GATAD2A: variants seen among roughly 807,000 people sequenced by gnomAD.
GATAD2A encodes transcriptional repressor p66-alpha.
A neutral mutation model predicts 68.5 loss-of-function variants in GATAD2A; 12 were observed. The observed-to-expected ratio is 0.18, with a 90% CI of 0.11 to 0.28. The LOEUF (loss-of-function observed/expected upper bound fraction) is 0.28. Among genes scored for constraint, GATAD2A ranks in the 10% least tolerant of loss-of-function variants. GATAD2A has a pLI of 1.00. For synonymous variants in GATAD2A, 410 were observed against 375.3 expected (o/e 1.09, Z -1.07); for missense variants, 755 against 868.5 (o/e 0.87, Z 1.64).
rs1041802991 is a variant in GATAD2A, at chr19:19,505,576, G to A, written c.*102G>A. 7 of 1,064,578 alleles carry A rather than the reference G, an allele frequency of 6.6e-6. No individual in the cohort carries two copies. Among genetic ancestry groups the A allele is most frequent in the East Asian group, 2.8e-5 (1 of 35,386 alleles). 65.9% of individuals were successfully genotyped at this position (1,064,578 alleles called of 1,614,324 possible). On this transcript the variant is annotated 3_prime_UTR_variant, in exon 12 of 12. Transcript: ENST00000683918. ...CCCTCCGCTGGCTCGGGAAGACACC[G>A]TGCCCGCCCCAAGAGCAAGCACCGG...
chr19:19,489,981 C>T (rs1163729704), intron 2 of GATAD2A, among the ~76,000 whole-genome samples: 3 of 152,136 alleles, frequency 2.0e-5, no homozygotes, highest in Admixed American at 6.5e-5. Flanking sequence ...CCTTGAAAGT[C>T]GATCTTGGGC....
intron 2 of GATAD2A, among the ~76,000 whole-genome samples, chr19:19,473,870 C>T (rs1369860888): frequency 1.3e-5 from 2 of 151,942 alleles, no homozygotes; most frequent in African/African-American, 2.4e-5. Context: ...GGCGTGAACT[C>T]GGGAGGTCAG....
chr19:19,460,576 G>A (rs1012067362), intron 1 of GATAD2A, among the ~76,000 whole-genome samples: 2 of 152,128 alleles, frequency 1.3e-5, no homozygotes, highest in Non-Finnish European at 2.9e-5. Flanking sequence ...CAGCATCTCC[G>A]TGGGGCTCAT....
chr19:19,403,305 G>C (rs569908288), upstream of GATAD2A, among the ~76,000 whole-genome samples: 23 of 152,162 alleles, frequency 1.5e-4, no homozygotes, highest in African/African-American at 5.5e-4. Flanking sequence ...CACCCAACCT[G>C]AGCCTATGGG....
At chr19:19,502,652 C>T (rs982540705) in intron 11 of GATAD2A, 126 bp downstream of exon 11, 14 of 711,616 alleles carry the variant, frequency 2.0e-5, no homozygotes, top group Non-Finnish European at 3.2e-5. Context: ...TCAGCCTCCT[C>T]GGACTCTGGC....
chr19:19,492,244 A>AG, intron 2 of GATAD2A, 62 bp from the exon 3 acceptor site: 1 of 1,524,720 alleles, frequency 6.6e-7, no homozygotes. Context: ...ATGTGTCCAC[A>AG]GGGGTGGGCA....
At chr19:19,451,445 G>A (rs150343961) in intron 1 of GATAD2A, among the ~76,000 whole-genome samples, 43 of 152,308 alleles carry the variant, frequency 2.8e-4, no homozygotes, top group Non-Finnish European at 2.9e-4. Context: ...CTGAGTTCAC[G>A]CATTGTCCAG....
intron 1 of GATAD2A, among the ~76,000 whole-genome samples, chr19:19,393,164 G>A (rs992538794): frequency 6.6e-6 from 1 of 152,152 alleles, no homozygotes; most frequent in Non-Finnish European, 1.5e-5. Context: ...TTAGCTGGGC[G>A]TGGTGGCACA....
intron 1 of GATAD2A, among the ~76,000 whole-genome samples, chr19:19,386,335 T>G: frequency 6.7e-6 from 1 of 148,752 alleles, no homozygotes; most frequent in East Asian, 2.0e-4. Context: ...CCGTCTCTCT[T>G]AGGGACCCTC....
chr19:19,475,454 C>T (rs909061306), intron 2 of GATAD2A, among the ~76,000 whole-genome samples: 4 of 148,266 alleles, frequency 2.7e-5, no homozygotes, highest in Admixed American at 1.4e-4. Context: ...GGCTCCGGAG[C>T]GGGGTACTCT....
chr19:19,449,581 T>A (rs2056143069), intron 1 of GATAD2A, among the ~76,000 whole-genome samples: 1 of 128,314 alleles, frequency 7.8e-6, no homozygotes, highest in Non-Finnish European at 1.7e-5. Context: ...CAGGTTTACT[T>A]TGTTAAATGT....
Position 19,482,846 on chromosome 19 carries a change from G to A in GATAD2A, c.270-9460G>A, listed in dbSNP as rs571419071. ...TGGATTTGATGTGGCCTCCCCCATGGTGTCAGCTGCTGACAAGATTGGGCT... is the reference window on the plus strand; with the variant it reads ...TGGATTTGATGTGGCCTCCCCCATGATGTCAGCTGCTGACAAGATTGGGCT... On this transcript the variant is annotated intron_variant, in intron 2 of 11. Transcript: ENST00000683918. Among the ~76,000 whole-genome samples the A allele has an allele frequency of 4.6e-5, 7 of 152,310 alleles. No homozygotes were observed. In the South Asian group the frequency reaches 8.3e-4, roughly 18 times the overall value.
rs568225927 is a variant in GATAD2A at position 19,422,947 on chromosome 19, A to G, written c.-7+16928A>G. Among the ~76,000 whole-genome samples the G allele has an allele frequency of 2.3e-4, 35 of 152,070 alleles. 1 individual carries two copies. Among genetic ancestry groups the G allele is most frequent in the African/African-American group, 7.7e-4 (32 of 41,474 alleles). ...AGGATGGTCTCGATCTCCTGAACTC[A>G]TGATCTGCCCGCCTCGGCCTCCTGA... On this transcript the variant is annotated intron_variant, in intron 1 of 11. Coordinates refer to ENST00000683918, the MANE Select transcript of GATAD2A (RefSeq NM_001384528.1).
At chr19:19,462,507 G>T (rs761063995) in intron 1 of GATAD2A, among the ~76,000 whole-genome samples, 1 of 152,254 alleles carries the variant, frequency 6.6e-6, no homozygotes, top group Non-Finnish European at 1.5e-5. Flanking sequence ...GCAGGCGGGC[G>T]CTGTGAGGCC....
rs772054275 is a variant in GATAD2A at position 19,495,767 on chromosome 19, G to C, written c.638G>C (p.Arg213Pro). ...TATCGTTGGCAGACCTCTTCAGCTC[G>C]GATGCCCGGCAGTGTCATACCCCCG... ...GKPSLQTSSA[R>P]MPGSVIPPPL... The change falls in exon 6 of 12, where the codon CGG (arginine) becomes CCG (proline). Residue 213 changes from arginine (R) to proline (P), a missense_variant. By Grantham distance (103) the Arg-to-Pro change is moderately radical. Coordinates refer to ENST00000683918, the MANE Select transcript of GATAD2A (RefSeq NM_001384528.1). 3 of 1,611,132 alleles carry C rather than the reference G, an allele frequency of 1.9e-6. No individual in the cohort carries two copies. Among genetic ancestry groups the C allele is most frequent in the East Asian group, 4.5e-5 (2 of 44,768 alleles).
At chr19:19,412,620 A>G (rs2051101859) in intron 1 of GATAD2A, among the ~76,000 whole-genome samples, 1 of 152,044 alleles carries the variant, frequency 6.6e-6, no homozygotes, top group African/African-American at 2.4e-5. Flanking sequence ...CGACAGAGTG[A>G]GACTCTGTCT....
intron 7 of GATAD2A, 141 bp from the exon 8 acceptor site, chr19:19,498,302 G>T: frequency 4.2e-6 from 3 of 714,532 alleles, no homozygotes; most frequent in Non-Finnish European, 6.8e-6. Context: ...TGTTATCATG[G>T]CTGGGTTCAC....
intron 1 of GATAD2A, among the ~76,000 whole-genome samples, chr19:19,400,174 C>T (rs189318861): frequency 5.9e-5 from 9 of 152,182 alleles, no homozygotes; most frequent in Non-Finnish European, 1.0e-4. Context: ...GATACACTTC[C>T]GGTTCACAAC....
intron 1 of GATAD2A, among the ~76,000 whole-genome samples, chr19:19,424,670 G>A (rs1469929549): frequency 6.6e-6 from 1 of 152,120 alleles, no homozygotes; most frequent in Non-Finnish European, 1.5e-5. Context: ...ATCATGCCTG[G>A]CCTGGCGCTT....
Sources: gnomAD v4.1 joint callset for allele counts (sites outside exome capture counted in the v4.1 genomes callset) on GRCh38, gnomAD v4.1.1 for gene constraint, MANE v1.5 for transcripts, NCBI Gene and HGNC (gene_info 2026-07-23, HGNC 2026-07-21) for gene names.